The following ABCC3 variants were observed in gnomAD, a reference collection of about 807,000 sequenced individuals.
ABCC3 encodes the protein ATP binding cassette subfamily C member 3.
ABCC3 carries 121 observed loss-of-function variants against 165.3 expected under a neutral mutation model. That is an observed-to-expected ratio of 0.73 (90% CI 0.63 to 0.85). The LOEUF (loss-of-function observed/expected upper bound fraction) is 0.85, where lower values mean the gene tolerates loss of function less well. Among genes scored for constraint, ABCC3 ranks in the 40% least tolerant of loss-of-function variants. The probability of loss-of-function intolerance (pLI) is 0.00; values close to 1 mark genes in which losing one functional copy is unlikely to be tolerated. For synonymous variants in ABCC3, 733 were observed against 810.1 expected (o/e 0.90, Z 1.62); for missense variants, 1,869 against 1,964.1 (o/e 0.95, Z 0.92).
chr17:50,670,639 G>A (rs941091853), intron 17 of ABCC3, among the ~76,000 whole-genome samples: 5 of 152,134 alleles, frequency 3.3e-5, no homozygotes, highest in East Asian at 3.8e-4. Flanking sequence ...AAAATAAAGC[G>A]GGGAAGGAAT....
chr17:50,670,865 T>C (rs1439636231), intron 17 of ABCC3, among the ~76,000 whole-genome samples: 3 of 152,182 alleles, frequency 2.0e-5, no homozygotes, highest in Non-Finnish European at 2.9e-5. Context: ...CTGATTACCT[T>C]GGTTAAGATT....
chr17:50,689,707 C>G (rs1420502743), intron 30 of ABCC3, among the ~76,000 whole-genome samples: 1 of 152,178 alleles, frequency 6.6e-6, no homozygotes, highest in Non-Finnish European at 1.5e-5. Flanking sequence ...TGTTCCATCC[C>G]TCTCCTACCC....
At chr17:50,650,933 C>T (rs368137229) in intron 1 of ABCC3, among the ~76,000 whole-genome samples, 2 of 151,750 alleles carry the variant, frequency 1.3e-5, no homozygotes, top group African/African-American at 4.8e-5. Context: ...GGCGTGGTGG[C>T]GGGCACCTGT....
Position 50,634,917 on chromosome 17 carries a change from T to G in ABCC3, c.-20T>G. On this transcript the variant is annotated 5_prime_UTR_variant, in exon 1 of 31. Coordinates refer to ENST00000285238, the MANE Select transcript of ABCC3 (RefSeq NM_003786.4). ...TGGGTCCGACCGCGCTCGCCTTCCT[T>G]GCAGCCGCGCCTCGGCCCCATGGAC... 1 of 1,254,222 alleles carries G rather than the reference T, an allele frequency of 8.0e-7. No homozygotes were observed. The highest frequency in any genetic ancestry group is 1.0e-6 in the Non-Finnish European group (1 of 998,240). The allele number at this position is 1,254,222 out of a possible 1,614,324, so 77.7% of individuals were successfully genotyped here.
At chr17:50,675,191 A>G (rs1239588672) in intron 19 of ABCC3, among the ~76,000 whole-genome samples, 171 bp from the exon 20 acceptor site, 1 of 152,094 alleles carries the variant, frequency 6.6e-6, no homozygotes, top group Non-Finnish European at 1.5e-5. Context: ...TTGTGAAGAG[A>G]GTTTTTCTTG....
At position 50,683,772 on chromosome 17, in the gene ABCC3, G is replaced by C; in HGVS notation, c.3954+16G>C. On this transcript the variant is annotated intron_variant, in intron 27 of 30. Transcript: ENST00000285238. ...TGGCGAGAAGGTACGCGTGGGGTAG[G>C]CGGGCCTGCGTGTGTGTTCATGCCT... The C allele has an allele frequency of 6.3e-7, 1 of 1,598,898 alleles. No individual in the cohort carries two copies. Among genetic ancestry groups the C allele is most frequent in the Non-Finnish European group, 8.5e-7 (1 of 1,174,764 alleles).
intron 1 of ABCC3, among the ~76,000 whole-genome samples, chr17:50,649,735 A>G (rs2146596832): frequency 6.6e-6 from 1 of 151,760 alleles, no homozygotes; most frequent in East Asian, 1.9e-4. Context: ...GAAGGAAGGA[A>G]GAAAGAGAGA....
chr17:50,663,587 G>A, intron 8 of ABCC3, 94 bp from the exon 9 acceptor site: 2 of 1,436,226 alleles, frequency 1.4e-6, no homozygotes, highest in Non-Finnish European at 1.9e-6. Flanking sequence ...GGCCAGGGGT[G>A]CAGTGGAGAC....
chr17:50,635,692 AC>A, intron 1 of ABCC3: 1 of 672,076 alleles, frequency 1.5e-6, no homozygotes, highest in Non-Finnish European at 2.7e-6. Context: ...GCCCAAAGTT[AC>A]CCAGTTCAAT....
At chr17:50,640,377 G>A (rs73342287) in intron 1 of ABCC3, among the ~76,000 whole-genome samples, 6,934 of 152,270 alleles carry the variant, frequency 0.046, 512 homozygotes, top group African/African-American at 0.16. Context: ...TGTCATGAGC[G>A]TGAAATGATC....
chr17:50,679,997 A>T, intron 26 of ABCC3, 98 bp downstream of exon 26: 2 of 825,196 alleles, frequency 2.4e-6, no homozygotes, highest in Non-Finnish European at 4.0e-6. Flanking sequence ...CCTGCCACGT[A>T]TGGGGCTCTT....
chr17:50,675,514 T>TG (rs1307326469), intron 20 of ABCC3, 38 bp downstream of exon 20: 2 of 1,599,786 alleles, frequency 1.3e-6, no homozygotes, highest in Non-Finnish European at 1.7e-6. Context: ...CCGGAGGCTG[T>TG]ATCAGGCCTC....
rs1302284408 is a variant in ABCC3, at chr17:50,675,915, G to A, written c.2892G>A (p.Lys964=). Residue 964 remains lysine (K), a synonymous_variant, in exon 22 of 31, where the codon AAG becomes AAA. Transcript: ENST00000285238. ...TCAGTGTGTTCTGGGATTATGCCAA[G>A]GCCGTGGGGCTCTGTACCACGCTGG... ...VELSVFWDYA[K]AVGLCTTLAI... is the part of the protein sequence containing the mutation. 6.2e-7 allele frequency: 1 copy of A among 1,614,176 alleles called. No individual in the cohort carries two copies. Among genetic ancestry groups the A allele is most frequent in the African/African-American group, 1.3e-5 (1 of 75,036 alleles).
intron 1 of ABCC3, chr17:50,635,887 A>T: frequency 3.3e-6 from 1 of 307,456 alleles, no homozygotes; most frequent in Non-Finnish European, 6.1e-6. Context: ...TGTCTCTAAA[A>T]AAATAAATAA....
intron 1 of ABCC3, among the ~76,000 whole-genome samples, chr17:50,636,828 A>G (rs2054185164): frequency 6.6e-6 from 1 of 152,212 alleles, no homozygotes; most frequent in South Asian, 2.1e-4. Flanking sequence ...GGGATTGTGG[A>G]ATCCAAGAAA....
rs1370054312 is a variant in ABCC3 at position 50,677,850 on chromosome 17, G to A, written c.3485G>A (p.Arg1162Gln). Residue 1162 changes from arginine (R) to glutamine (Q), a missense_variant, in exon 24 of 31, where the codon CGG becomes CAG. Transcript: ENST00000285238. ...ACAGTGACTGGTGCCAGTGTCATCCGGGCCTACAACCGCAGCCGGGATTTT... is the reference window on the plus strand; with the variant it reads ...ACAGTGACTGGTGCCAGTGTCATCCAGGCCTACAACCGCAGCCGGGATTTT... The part of the protein sequence containing the change: ...SETVTGASVI[R>Q]AYNRSRDFEI... The A allele has an allele frequency of 5.6e-6, 9 of 1,614,086 alleles. No individual in the cohort carries two copies. The highest frequency in any genetic ancestry group is 7.6e-6 in the Non-Finnish European group (9 of 1,180,026).
intron 26 of ABCC3, among the ~76,000 whole-genome samples, chr17:50,681,265 C>A (rs886497565): frequency 6.6e-6 from 1 of 152,162 alleles, no homozygotes; most frequent in African/African-American, 2.4e-5. Flanking sequence ...TTGCCTGACA[C>A]CTCCATAAAA....
At chr17:50,664,221 CT>C in intron 10 of ABCC3, 110 bp downstream of exon 10, 2 of 1,447,268 alleles carry the variant, frequency 1.4e-6, no homozygotes, top group Non-Finnish European at 1.9e-6. Context: ...GTCCCAGCTG[CT>C]CAGGCGGCTG....
At chr17:50,684,267 C>T (rs111272126) in intron 28 of ABCC3, among the ~76,000 whole-genome samples, 160 bp downstream of exon 28, 6 of 152,222 alleles carry the variant, frequency 3.9e-5, no homozygotes, top group African/African-American at 1.2e-4. Context: ...GTGAGCCACC[C>T]GTCATGGATC....
Sources: gnomAD v4.1 joint callset for allele counts (sites outside exome capture counted in the v4.1 genomes callset) on GRCh38, gnomAD v4.1.1 for gene constraint, MANE v1.5 for transcripts, NCBI Gene and HGNC (gene_info 2026-07-23, HGNC 2026-07-21) for gene names.